MYO3A: variants seen among roughly 807,000 people sequenced by gnomAD.
The protein encoded by MYO3A is myosin IIIA.
MYO3A carries 180 observed loss-of-function variants against 192.7 expected under a neutral mutation model. The observed-to-expected ratio is 0.93, with a 90% CI of 0.83 to 1.06. MYO3A has a LOEUF of 1.06. Ranked by LOEUF, MYO3A falls within the 50% of genes least tolerant of loss-of-function variation. The pLI is 0.00. For missense variants in MYO3A, 1,896 were observed against 1,905.0 expected, an observed-to-expected ratio of 1.00 and a Z score of 0.09; for synonymous variants, 628 against 645.3, an observed-to-expected ratio of 0.97 and a Z score of 0.41.
At chr10:26,200,826 G>A (rs1213066088) in intron 32 of MYO3A, 1 of 152,388 alleles carries the variant, frequency 6.6e-6, no homozygotes, top group Non-Finnish European at 1.5e-5. Flanking sequence ...TGTTTCACCT[G>A]CCGTCCATAT....
intron 2 of MYO3A, among the ~76,000 whole-genome samples, chr10:25,950,833 TG>T (rs1279826596): frequency 6.6e-6 from 1 of 152,134 alleles, no homozygotes; most frequent in Non-Finnish European, 1.5e-5. Flanking sequence ...GTGAATTTCA[TG>T]GGCTAATATG....
chr10:25,973,686 G>A (rs1392805074), intron 4 of MYO3A, among the ~76,000 whole-genome samples: 1 of 152,038 alleles, frequency 6.6e-6, no homozygotes, highest in Non-Finnish European at 1.5e-5. Context: ...TTTTTAACAT[G>A]AGGGGATGTT....
At chr10:26,043,035 AGT>A (rs1015192883) in intron 10 of MYO3A, among the ~76,000 whole-genome samples, 7 of 152,224 alleles carry the variant, frequency 4.6e-5, no homozygotes, top group African/African-American at 1.7e-4. Flanking sequence ...TCCTCAGCCC[AGT>A]GATTCTGTGC....
chr10:26,092,465 C>CAA (rs112109851), intron 15 of MYO3A, among the ~76,000 whole-genome samples: 12,511 of 147,706 alleles, frequency 0.085, 544 homozygotes, highest in African/African-American at 0.093. Context: ...GACTCTGTCT[C>CAA]AAAAAAAAAA....
At chr10:25,996,786 A>G (rs1238087708) in intron 5 of MYO3A, among the ~76,000 whole-genome samples, 192 bp downstream of exon 5, 3 of 152,192 alleles carry the variant, frequency 2.0e-5, no homozygotes, top group Non-Finnish European at 2.9e-5. Flanking sequence ...CATTGGACCA[A>G]CAGGATCCTG....
At chr10:26,188,178 G>A (rs1589104747) in intron 31 of MYO3A, among the ~76,000 whole-genome samples, 3 of 152,248 alleles carry the variant, frequency 2.0e-5, no homozygotes, top group Admixed American at 6.5e-5. Context: ...TTTAATGATC[G>A]CCATTCTAAC....
intron 4 of MYO3A, among the ~76,000 whole-genome samples, chr10:25,957,366 C>A (rs772410001): frequency 5.3e-5 from 8 of 152,148 alleles, no homozygotes; most frequent in Non-Finnish European, 1.2e-4. Context: ...GACTTGCTCC[C>A]CATTGCCTTC....
chr10:26,086,649 C>G (rs1001240462), intron 14 of MYO3A, among the ~76,000 whole-genome samples: 1 of 152,062 alleles, frequency 6.6e-6, no homozygotes, highest in Admixed American at 6.5e-5. Context: ...GGTGCTACCC[C>G]AGGTGTCTGA....
At chr10:26,081,654 C>T (rs1008550825) in intron 14 of MYO3A, among the ~76,000 whole-genome samples, 1 of 152,206 alleles carries the variant, frequency 6.6e-6, no homozygotes. Context: ...CCTCCTGCTC[C>T]TCTGACCACC....
chr10:26,043,599 C>T (rs1843478567), intron 10 of MYO3A, among the ~76,000 whole-genome samples: 1 of 152,218 alleles, frequency 6.6e-6, no homozygotes, highest in Non-Finnish European at 1.5e-5. Flanking sequence ...GTCACCACCA[C>T]CACAGGCCCT....
chr10:26,129,725 T>C (rs1368040397), intron 20 of MYO3A, among the ~76,000 whole-genome samples: 1 of 152,184 alleles, frequency 6.6e-6, no homozygotes, highest in African/African-American at 2.4e-5. Flanking sequence ...ATTTTTGTCT[T>C]TCTCACTAGG....
intron 6 of MYO3A, among the ~76,000 whole-genome samples, chr10:26,010,392 T>C (rs929027343): frequency 6.6e-6 from 1 of 151,908 alleles, no homozygotes; most frequent in African/African-American, 2.4e-5. Flanking sequence ...GCAAAATGTC[T>C]GAATATGAAT....
intron 10 of MYO3A, among the ~76,000 whole-genome samples, chr10:26,035,469 A>G (rs929915357): frequency 6.6e-6 from 1 of 152,244 alleles, no homozygotes; most frequent in Non-Finnish European, 1.5e-5. Flanking sequence ...TTGCTTCAAA[A>G]TGAAACAGTG....
chr10:26,041,520 C>A (rs1843346941), intron 10 of MYO3A, among the ~76,000 whole-genome samples: 1 of 151,920 alleles, frequency 6.6e-6, no homozygotes, highest in Non-Finnish European at 1.5e-5. Context: ...TCCTTCTTCT[C>A]TTCCTTTTAG....
At chr10:26,023,897 G>A in intron 8 of MYO3A, 125 bp from the exon 9 acceptor site, 1 of 856,568 alleles carries the variant, frequency 1.2e-6, no homozygotes, top group Non-Finnish European at 2.0e-6. Flanking sequence ...TTGGAATTGG[G>A]AAAAGATGGA....
intron 31 of MYO3A, among the ~76,000 whole-genome samples, chr10:26,177,599 T>A (rs928229313): frequency 2.0e-5 from 3 of 152,128 alleles, no homozygotes; most frequent in Admixed American, 2.0e-4. Context: ...TCTTATGACC[T>A]CCCCCAGGAG....
intron 30 of MYO3A, among the ~76,000 whole-genome samples, chr10:26,174,992 G>A (rs772219626): frequency 4.6e-5 from 7 of 152,110 alleles, no homozygotes; most frequent in Non-Finnish European, 7.4e-5. Flanking sequence ...TAGCCACACC[G>A]AAGCATATAC....
chr10:25,958,493 G>T (rs1837710172), intron 4 of MYO3A, among the ~76,000 whole-genome samples: 1 of 151,924 alleles, frequency 6.6e-6, no homozygotes, highest in Admixed American at 6.6e-5. Context: ...GTTTACTGTA[G>T]CCCTGTAGTA....
chr10:26,069,210 A>G (rs1431762233), intron 12 of MYO3A, among the ~76,000 whole-genome samples: 2 of 132,246 alleles, frequency 1.5e-5, no homozygotes, highest in African/African-American at 5.2e-5. Context: ...TACTTAATGT[A>G]TGTCTGCCGC....
Sources: allele counts gnomAD v4.1 joint callset (sites outside exome capture counted in the v4.1 genomes callset), GRCh38; gene constraint gnomAD v4.1.1; transcripts MANE v1.5; gene names NCBI Gene and HGNC (gene_info 2026-07-23, HGNC 2026-07-21).